The following FBXW2 variants were observed in gnomAD, a reference collection of about 807,000 sequenced individuals.
The protein encoded by FBXW2 is F-box/WD repeat-containing protein 2.
FBXW2 carries 12 observed loss-of-function variants against 46.0 expected under a neutral mutation model. The ratio of observed to expected loss-of-function variants is 0.26; its 90% CI spans 0.17 to 0.42. FBXW2 has a LOEUF of 0.42. Ranked by LOEUF, FBXW2 falls within the 10% of genes least tolerant of loss-of-function variation. The pLI, the probability that FBXW2 is intolerant of heterozygous loss-of-function variation, is 1.00. For missense variants in FBXW2, 360 were observed against 537.0 expected (o/e 0.67, Z 3.26); for synonymous variants, 203 against 209.6 (o/e 0.97, Z 0.27).
intron 7 of FBXW2, among the ~76,000 whole-genome samples, chr9:120,770,962 A>G (rs897697885): frequency 6.6e-6 from 1 of 152,240 alleles, no homozygotes; most frequent in African/African-American, 2.4e-5. Flanking sequence ...ATACCACTAA[A>G]GTTTACCAAG....
At chr9:120,769,782 G>T (rs753787230) in intron 7 of FBXW2, among the ~76,000 whole-genome samples, 1 of 152,222 alleles carries the variant, frequency 6.6e-6, no homozygotes. Context: ...TACAGTGAGA[G>T]GTGGAATGCT....
chr9:120,771,355 TATC>T lies in FBXW2; in HGVS notation c.1066_1068del (p.Asp356del). 1 of 1,609,972 alleles carries T rather than the reference TATC, an allele frequency of 6.2e-7. No individual in the cohort carries two copies. The highest frequency in any genetic ancestry group is 8.5e-7 in the Non-Finnish European group (1 of 1,178,618). On this transcript the variant is annotated inframe_deletion, in exon 7 of 8. Coordinates refer to ENST00000608872, the MANE Select transcript of FBXW2 (RefSeq NM_012164.4). ...GGTCGAAGGAAACATTACCTGAGAATATCATAACTGGCAAAGTCCCACTGGTAG... is the reference window on the plus strand; with the variant it reads ...GGTCGAAGGAAACATTACCTGAGAATATAACTGGCAAAGTCCCACTGGTAG...
At chr9:120,775,881 T>C (rs2044482739) in intron 5 of FBXW2, among the ~76,000 whole-genome samples, 1 of 152,208 alleles carries the variant, frequency 6.6e-6, no homozygotes, top group Non-Finnish European at 1.5e-5. Flanking sequence ...TAATATATTG[T>C]GGGCAACTTT....
In FBXW2 at chr9:120,759,885, G is replaced by C. The variant is rs10985027; in HGVS notation, c.*4674C>G. 6.6e-6 allele frequency: 1 copy of C among 152,162 alleles called. No individual in the cohort carries two copies. The highest frequency in any genetic ancestry group is 2.4e-5 in the African/African-American group (1 of 41,434). The allele number at this position is 152,162 out of a possible 1,614,324, so 9.4% of individuals were successfully genotyped here. ...AGCAAAACAGCTTTTTGCACTGAGC[G>C]TGACCATTCAGTCTGATTAGGCTGA... is the stretch of plus-strand genomic sequence containing the variant. On this transcript the variant is annotated 3_prime_UTR_variant, in exon 8 of 8. Coordinates refer to ENST00000608872, the MANE Select transcript of FBXW2 (RefSeq NM_012164.4).
chr9:120,778,240 G>C, intron 4 of FBXW2, 111 bp downstream of exon 4: 1 of 900,178 alleles, frequency 1.1e-6, no homozygotes, highest in Non-Finnish European at 1.7e-6. Flanking sequence ...CTAAGAAAGA[G>C]GGTTGAAAAA....
At position 120,757,036 on chromosome 9, in the gene FBXW2, A is replaced by G. The variant is rs1449737728; in HGVS notation, c.*7523T>C. ...GATTAGTGAAATTTTATTTATAGCCATAATTCATCTCGACCAATGATTTCA... is the reference window on the plus strand; with the variant it reads ...GATTAGTGAAATTTTATTTATAGCCGTAATTCATCTCGACCAATGATTTCA... On this transcript the variant is annotated 3_prime_UTR_variant, in exon 8 of 8. Coordinates refer to ENST00000608872, the MANE Select transcript of FBXW2 (RefSeq NM_012164.4). 4 of 152,232 alleles carry G rather than the reference A, an allele frequency of 2.6e-5. No homozygotes were observed. Among genetic ancestry groups the G allele is most frequent in the Middle Eastern group, 6.3e-3 (2 of 316 alleles). 9.4% of individuals were successfully genotyped at this position (152,232 alleles called of 1,614,324 possible). A position where few individuals can be genotyped will look rare whatever the true frequency, so the allele number is the denominator to read the frequency against.
Position 120,771,529 on chromosome 9 carries a change from AG to A in FBXW2, c.907-13del. The A allele has an allele frequency of 4.4e-6, 7 of 1,605,536 alleles. No individual in the cohort carries two copies. Among genetic ancestry groups the A allele is most frequent in the Non-Finnish European group, 4.2e-6 (5 of 1,176,714 alleles). ...CCAATTGGCCAAATCTACAGAAAAA[AG>A]AAAATGAGGAAAGATGAGAGATCAC... is the stretch of plus-strand genomic sequence containing the variant. On this transcript the variant is annotated splice_polypyrimidine_tract_variant and intron_variant, in intron 6 of 7. Coordinates refer to ENST00000608872, the MANE Select transcript of FBXW2 (RefSeq NM_012164.4).
In FBXW2 at chr9:120,792,625, T is replaced by A; in HGVS notation, c.-21+524A>T. 3 of 210,108 alleles carry A rather than the reference T, an allele frequency of 1.4e-5. No homozygotes were observed. In the South Asian group the frequency reaches 1.7e-4, roughly 12 times the overall value. The allele number at this position is 210,108 out of a possible 1,614,324, so 13.0% of individuals were successfully genotyped here. A position where few individuals can be genotyped will look rare whatever the true frequency, so the allele number is the denominator to read the frequency against. On this transcript the variant is annotated intron_variant, in intron 2 of 7. Coordinates refer to ENST00000608872, the MANE Select transcript of FBXW2 (RefSeq NM_012164.4). ...GAATACAAATAATGTTTATAAAATA[T>A]GTGTTCTGCAACTCCACTTGTTGCT...
chr9:120,772,691 T>C, intron 6 of FBXW2, 63 bp downstream of exon 6: 2 of 1,145,176 alleles, frequency 1.7e-6, no homozygotes. Context: ...CCATACCACT[T>C]TCATTTTCTT....
At chr9:120,779,070 G>A (rs1158815815) in intron 3 of FBXW2, among the ~76,000 whole-genome samples, 1 of 152,172 alleles carries the variant, frequency 6.6e-6, no homozygotes, top group African/African-American at 2.4e-5. Flanking sequence ...ACTGCTAATT[G>A]CTCCAGTCAT....
At chr9:120,791,294 G>GT (rs565176563) in intron 2 of FBXW2, among the ~76,000 whole-genome samples, 6 of 152,200 alleles carry the variant, frequency 3.9e-5, no homozygotes, top group Non-Finnish European at 5.9e-5. Context: ...GCTACCTCCA[G>GT]AGTAGTGAGT....
Position 120,763,552 on chromosome 9 carries a change from T to A in FBXW2, c.*1007A>T, listed in dbSNP as rs186247564. The A allele has an allele frequency of 9.2e-5, 14 of 152,354 alleles. No homozygotes were observed. The East Asian group carries it at 2.7e-3, about 29-fold the overall frequency. The allele number at this position is 152,354 out of a possible 1,614,324, so 9.4% of individuals were successfully genotyped here. A position where few individuals can be genotyped will look rare whatever the true frequency, so the allele number is the denominator to read the frequency against. On this transcript the variant is annotated 3_prime_UTR_variant, in exon 8 of 8. Coordinates refer to ENST00000608872, the MANE Select transcript of FBXW2 (RefSeq NM_012164.4). ...ATCAGCTATATTTTCTACATTTCCCTTTTATTCATCCTTTTCATATAATTG... is the reference window on the plus strand; with the variant it reads ...ATCAGCTATATTTTCTACATTTCCCATTTATTCATCCTTTTCATATAATTG...
At chr9:120,775,505 G>A (rs2044473449) in intron 5 of FBXW2, among the ~76,000 whole-genome samples, 1 of 152,100 alleles carries the variant, frequency 6.6e-6, no homozygotes, top group Non-Finnish European at 1.5e-5. Flanking sequence ...TGTTTTCTCA[G>A]CCCCCTCATA....
chr9:120,764,591 T>C lies in FBXW2; in HGVS notation c.1333A>G (p.Ile445Val). The change falls in exon 8 of 8, where the codon ATT becomes GTT. Residue 445 changes from isoleucine to valine, a missense_variant. By Grantham distance (29) the Ile-to-Val change is conservative. Coordinates refer to ENST00000608872, the MANE Select transcript of FBXW2 (RefSeq NM_012164.4). The stretch of plus-strand genomic sequence containing the variant: ...TGCTCCTTCCACAACACCAGGTGAA[T>C]ACTGTGGTCAGGCATGCTGGTGGCA... ...VFATSMPDHSIHLVLWKEHG is the reference protein window; with the variant it reads ...VFATSMPDHSVHLVLWKEHG 6.2e-7 allele frequency: 1 copy of C among 1,614,194 alleles called. No individual in the cohort carries two copies. The highest frequency in any genetic ancestry group is 8.5e-7 in the Non-Finnish European group (1 of 1,180,038).
chr9:120,789,525 T>C (rs2044791225), intron 2 of FBXW2, among the ~76,000 whole-genome samples: 1 of 152,236 alleles, frequency 6.6e-6, no homozygotes, highest in African/African-American at 2.4e-5. Flanking sequence ...GATGTGTACA[T>C]AGGGATTTAT....
chr9:120,787,740 A>G, intron 3 of FBXW2, 29 bp downstream of exon 3: 1 of 1,577,612 alleles, frequency 6.3e-7, no homozygotes, highest in East Asian at 2.2e-5. Flanking sequence ...ACAAAACAAA[A>G]CCCAAAAAGC....
chr9:120,762,563 T>C lies in FBXW2; in HGVS notation c.*1996A>G, dbSNP rs1390456059. The C allele has an allele frequency of 6.6e-6, 1 of 152,180 alleles. No individual in the cohort carries two copies. Among genetic ancestry groups the C allele is most frequent in the Non-Finnish European group, 1.5e-5 (1 of 68,030 alleles). 9.4% of individuals were successfully genotyped at this position (152,180 alleles called of 1,614,324 possible). On this transcript the variant is annotated 3_prime_UTR_variant, in exon 8 of 8. Transcript: ENST00000608872. Reference sequence around the variant, plus strand: ...GCTTAAACCCCACAGAGTTTCAACATGGATATTAATGATATCTGTCCTTGA... The same window carrying C: ...GCTTAAACCCCACAGAGTTTCAACACGGATATTAATGATATCTGTCCTTGA...
chr9:120,764,400 G>A lies in FBXW2; in HGVS notation c.*159C>T, dbSNP rs542649831. On this transcript the variant is annotated 3_prime_UTR_variant, in exon 8 of 8. Coordinates refer to ENST00000608872, the MANE Select transcript of FBXW2 (RefSeq NM_012164.4). ...AATAAAACAAGCCCTCCCCCACCCC[G>A]AGCCCTGGCCCCTGGCAAAACATAG... 9 of 716,588 alleles carry A rather than the reference G, an allele frequency of 1.3e-5. No homozygotes were observed. The highest frequency in any genetic ancestry group is 1.9e-5 in the South Asian group (1 of 51,830). The allele number at this position is 716,588 out of a possible 1,614,324, so 44.4% of individuals were successfully genotyped here. A position where few individuals can be genotyped will look rare whatever the true frequency, so the allele number is the denominator to read the frequency against.
chr9:120,785,168 C>T (rs970231562), intron 3 of FBXW2, among the ~76,000 whole-genome samples: 2 of 151,630 alleles, frequency 1.3e-5, no homozygotes, highest in African/African-American at 4.8e-5. Flanking sequence ...GCCAGCACAC[C>T]CAGCTGTTTT....
Sources: allele counts gnomAD v4.1 joint callset (sites outside exome capture counted in the v4.1 genomes callset), GRCh38; gene constraint gnomAD v4.1.1; transcripts MANE v1.5; gene names NCBI Gene and HGNC (gene_info 2026-07-23, HGNC 2026-07-21).